SKAP1: variants seen among roughly 807,000 people sequenced by gnomAD.
SKAP1 encodes src kinase associated phosphoprotein 1.
Under a neutral mutation model 58.5 loss-of-function variants are expected in SKAP1, and 44 were observed. The observed-to-expected ratio is 0.75, with a 90% confidence interval of 0.59 to 0.97. The LOEUF (loss-of-function observed/expected upper bound fraction) is 0.97. Ranked by LOEUF, SKAP1 falls within the 50% of genes least tolerant of loss-of-function variation. The pLI is 0.00. For synonymous variants in SKAP1, 127 were observed against 149.7 expected (o/e 0.85, Z 1.11); for missense variants, 390 against 435.2 (o/e 0.90, Z 0.92).
intron 11 of SKAP1, among the ~76,000 whole-genome samples, chr17:48,146,574 A>T (rs1351983807): frequency 3.3e-5 from 5 of 151,496 alleles, no homozygotes; most frequent in African/African-American, 4.8e-5. Flanking sequence ...CCTCCAGCTG[A>T]AGAGGCTGTT....
At chr17:48,404,898 G>A (rs2067549898) in intron 1 of SKAP1, among the ~76,000 whole-genome samples, 1 of 151,986 alleles carries the variant, frequency 6.6e-6, no homozygotes, top group East Asian at 1.9e-4. Flanking sequence ...AACATCCTAG[G>A]CAAAATGATT....
intron 1 of SKAP1, among the ~76,000 whole-genome samples, chr17:48,402,512 T>G (rs1406832693): frequency 4.6e-5 from 7 of 152,102 alleles, no homozygotes; most frequent in African/African-American, 1.7e-4. Flanking sequence ...GTATTTTTAG[T>G]AGAGATGGGG....
chr17:48,269,236 A>C (rs1290168595), intron 4 of SKAP1, among the ~76,000 whole-genome samples: 1 of 152,232 alleles, frequency 6.6e-6, no homozygotes, highest in Non-Finnish European at 1.5e-5. Context: ...ATGTTGAACA[A>C]AACTCTAGAG....
intron 4 of SKAP1, among the ~76,000 whole-genome samples, chr17:48,316,078 C>A (rs559018143): frequency 1.1e-4 from 16 of 152,292 alleles, no homozygotes; most frequent in African/African-American, 3.6e-4. Context: ...TCCTATCCCC[C>A]TTAAAATCAA....
intron 1 of SKAP1, among the ~76,000 whole-genome samples, chr17:48,419,753 T>G (rs1356916777): frequency 6.6e-6 from 1 of 152,124 alleles, no homozygotes; most frequent in Non-Finnish European, 1.5e-5. Flanking sequence ...TAAGCACAAA[T>G]ATGTGCCATT....
At chr17:48,171,607 C>T (rs2064217795) in intron 9 of SKAP1, among the ~76,000 whole-genome samples, 1 of 152,212 alleles carries the variant, frequency 6.6e-6, no homozygotes, top group African/African-American at 2.4e-5. Flanking sequence ...ATTTAGATGT[C>T]TATCACCAGA....
At chr17:48,346,118 T>C (rs2066720077) in intron 3 of SKAP1, 112 bp from the exon 4 acceptor site, 1 of 558,916 alleles carries the variant, frequency 1.8e-6, no homozygotes, top group South Asian at 2.7e-5. Flanking sequence ...GAAAAAAAAG[T>C]GTATCTTTTA....
intron 1 of SKAP1, among the ~76,000 whole-genome samples, chr17:48,410,654 T>C (rs1257248763): frequency 6.6e-6 from 1 of 151,144 alleles, no homozygotes; most frequent in Non-Finnish European, 1.5e-5. Flanking sequence ...AGGTCGGGCG[T>C]AGTGGCTCAC....
At chr17:48,265,890 G>T (rs918406176) in intron 4 of SKAP1, among the ~76,000 whole-genome samples, 3 of 152,134 alleles carry the variant, frequency 2.0e-5, no homozygotes, top group Non-Finnish European at 4.4e-5. Context: ...TGTCTGTTTA[G>T]GTTGTCCAAG....
intron 1 of SKAP1, among the ~76,000 whole-genome samples, chr17:48,411,064 G>A (rs2067657713): frequency 6.7e-6 from 1 of 150,104 alleles, no homozygotes; most frequent in Non-Finnish European, 1.5e-5. Flanking sequence ...TATAAAATAA[G>A]TATGCACGAT....
chr17:48,221,216 A>C (rs1598439473), intron 4 of SKAP1, among the ~76,000 whole-genome samples: 1 of 150,148 alleles, frequency 6.7e-6, no homozygotes. Flanking sequence ...GCAGTGAGCC[A>C]AGATTGCACC....
At chr17:48,368,103 C>A (rs1244984627) in intron 2 of SKAP1, among the ~76,000 whole-genome samples, 1 of 151,972 alleles carries the variant, frequency 6.6e-6, no homozygotes, top group Non-Finnish European at 1.5e-5. Flanking sequence ...TTTAAAAAAG[C>A]CACACCTCTA....
At chr17:48,305,161 T>TTTG (rs748822654) in intron 4 of SKAP1, among the ~76,000 whole-genome samples, 8 of 152,132 alleles carry the variant, frequency 5.3e-5, no homozygotes, top group South Asian at 2.1e-4. Context: ...GTGTCAAGTT[T>TTTG]TTGTTGTTGT....
At chr17:48,414,375 A>G (rs2067706840) in intron 1 of SKAP1, among the ~76,000 whole-genome samples, 1 of 152,192 alleles carries the variant, frequency 6.6e-6, no homozygotes, top group Non-Finnish European at 1.5e-5. Flanking sequence ...CATCATATGC[A>G]GAGGTCCAGA....
chr17:48,227,001 C>A (rs1281178588), intron 4 of SKAP1, among the ~76,000 whole-genome samples: 3 of 152,128 alleles, frequency 2.0e-5, no homozygotes, highest in African/African-American at 2.4e-5. Context: ...AGTGTATCTT[C>A]CTCTTGGCTT....
chr17:48,287,748 T>A (rs2065849359), intron 4 of SKAP1, among the ~76,000 whole-genome samples: 1 of 152,222 alleles, frequency 6.6e-6, no homozygotes, highest in Non-Finnish European at 1.5e-5. Context: ...AGCTTATCAG[T>A]CAAATACCCG....
At chr17:48,197,299 C>T (rs1598417674) in intron 4 of SKAP1, among the ~76,000 whole-genome samples, 1 of 149,228 alleles carries the variant, frequency 6.7e-6, no homozygotes, top group South Asian at 2.1e-4. Context: ...CACCAAGGTT[C>T]GTAAGACCTC....
chr17:48,218,657 T>C (rs375102015), intron 4 of SKAP1, among the ~76,000 whole-genome samples: 38 of 152,276 alleles, frequency 2.5e-4, no homozygotes, highest in African/African-American at 9.1e-4. Flanking sequence ...GTGAATGACA[T>C]TTACAGAGAT....
At chr17:48,205,321 G>C (rs2064796323) in intron 4 of SKAP1, among the ~76,000 whole-genome samples, 1 of 151,946 alleles carries the variant, frequency 6.6e-6, no homozygotes, top group African/African-American at 2.4e-5. Context: ...ATGTTGCCCA[G>C]GCTGGTCTAG....
Sources: allele counts gnomAD v4.1 joint callset (sites outside exome capture counted in the v4.1 genomes callset), GRCh38; gene constraint gnomAD v4.1.1; transcripts MANE v1.5; gene names NCBI Gene and HGNC (gene_info 2026-07-23, HGNC 2026-07-21).